Variants in ST7 observed in about 807,000 individuals in gnomAD.
The protein encoded by ST7 is suppressor of tumorigenicity 7 protein.
A neutral mutation model predicts 78.7 loss-of-function variants in ST7; 28 were observed. The ratio of observed to expected loss-of-function variants is 0.36; its 90% CI spans 0.26 to 0.49. ST7 has a LOEUF of 0.49. Ranked by LOEUF, ST7 falls within the 20% of genes least tolerant of loss-of-function variation. The pLI, the probability that ST7 is intolerant of heterozygous loss-of-function variation, is 0.99. For synonymous variants in ST7, 247 were observed against 249.6 expected (o/e 0.99, Z 0.10); for missense variants, 418 against 696.0 (o/e 0.60, Z 4.49).
intron 9 of ST7, among the ~76,000 whole-genome samples, chr7:117,139,533 C>T (rs1237045947): frequency 2.0e-5 from 3 of 152,134 alleles, no homozygotes; most frequent in African/African-American, 4.8e-5. Context: ...GGAGCACCAA[C>T]ACTCAACGCT....
intron 2 of ST7, among the ~76,000 whole-genome samples, chr7:117,104,433 C>G (rs1801801317): frequency 6.6e-6 from 1 of 152,146 alleles, no homozygotes; most frequent in Admixed American, 6.5e-5. Context: ...GAGCGAGACT[C>G]CGTCTCAAAA....
At chr7:116,985,081 C>A (rs1794135524) in intron 1 of ST7, among the ~76,000 whole-genome samples, 1 of 152,110 alleles carries the variant, frequency 6.6e-6, no homozygotes, top group African/African-American at 2.4e-5. Flanking sequence ...GGGTAAAACA[C>A]ATCTTGTTGA....
chr7:117,173,782 T>G (rs1340495908), intron 10 of ST7, among the ~76,000 whole-genome samples: 3 of 152,166 alleles, frequency 2.0e-5, no homozygotes, highest in South Asian at 2.1e-4. Context: ...GGATTGTTTT[T>G]GGGTACAGCA....
intron 9 of ST7, among the ~76,000 whole-genome samples, chr7:117,151,095 C>T (rs1457923350): frequency 6.6e-6 from 1 of 152,246 alleles, no homozygotes; most frequent in African/African-American, 2.4e-5. Context: ...GCTATGCAGT[C>T]GGTCTCCAGA....
In ST7 at chr7:117,219,298, C is replaced by G. The variant is rs1377564247; in HGVS notation, c.1498+122C>G. On this transcript the variant is annotated intron_variant, in intron 14 of 15. Transcript: ENST00000323984. The surrounding 1 kb of genome is among the most constrained non-coding windows in gnomAD (Gnocchi z 5.1). The stretch of plus-strand genomic sequence containing the variant: ...TATTACTTTTCTCCAAACCCCTGTC[C>G]TTGTTTGATAGCATATGTATTAAAG... 10 of 796,352 alleles carry G rather than the reference C, an allele frequency of 1.3e-5. No individual in the cohort carries two copies. Among genetic ancestry groups the G allele is most frequent in the Non-Finnish European group, 1.8e-5 (9 of 490,980 alleles). The allele number at this position is 796,352 out of a possible 1,614,324, so 49.3% of individuals were successfully genotyped here. A position where few individuals can be genotyped will look rare whatever the true frequency, so the allele number is the denominator to read the frequency against.
At chr7:117,177,703 T>G (rs945601038) in intron 10 of ST7, among the ~76,000 whole-genome samples, 2 of 152,220 alleles carry the variant, frequency 1.3e-5, no homozygotes, top group South Asian at 4.1e-4. Context: ...GTGGCACATC[T>G]TTTTGAGATT....
rs1013013600 is a variant in ST7 at position 117,219,880 on chromosome 7, T to C, written c.1498+704T>C. On this transcript the variant is annotated intron_variant, in intron 14 of 15. Transcript: ENST00000323984. This position sits in a 1 kb window ranked among gnomAD's most constrained non-coding sequence, Gnocchi z 5.1. ...TATTTTGCTTTGCTGTAATACAACA[T>C]TGTTTTGACAATTCAGGCTAAATGG... Among the ~76,000 whole-genome samples the C allele has an allele frequency of 1.3e-5, 2 of 152,242 alleles. No homozygotes were observed. Among genetic ancestry groups the C allele is most frequent in the East Asian group, 1.9e-4 (1 of 5,196 alleles).
intron 1 of ST7, among the ~76,000 whole-genome samples, chr7:117,093,953 C>T (rs1800835264): frequency 6.6e-6 from 1 of 152,180 alleles, no homozygotes; most frequent in African/African-American, 2.4e-5. Flanking sequence ...CCAAAGCCCC[C>T]TATTCTTTAT....
intron 1 of ST7, among the ~76,000 whole-genome samples, chr7:117,091,909 C>A (rs934444723): frequency 3.3e-5 from 5 of 152,092 alleles, no homozygotes; most frequent in Admixed American, 6.6e-5. Flanking sequence ...GAATCTGCTT[C>A]CAGTCTCACT....
intron 1 of ST7, among the ~76,000 whole-genome samples, chr7:117,067,202 T>C (rs1798685412): frequency 6.6e-6 from 1 of 152,062 alleles, no homozygotes; most frequent in Admixed American, 6.6e-5. Context: ...TCTCTGAACA[T>C]TTTTATACAA....
intron 12 of ST7, among the ~76,000 whole-genome samples, chr7:117,193,150 TACACACACAC>T (rs137866535): frequency 1.4e-5 from 2 of 144,850 alleles, no homozygotes; most frequent in African/African-American, 5.1e-5. Flanking sequence ...CTTTAGCAGA[TACACACACAC>T]ACACACACAC....
intron 10 of ST7, among the ~76,000 whole-genome samples, chr7:117,173,113 G>A (rs191792512): frequency 1.3e-5 from 2 of 152,262 alleles, no homozygotes; most frequent in African/African-American, 2.4e-5. Flanking sequence ...AAATTCTTTT[G>A]TTGCAAATGG....
intron 7 of ST7, among the ~76,000 whole-genome samples, chr7:117,134,662 A>G (rs1804636304): frequency 6.6e-6 from 1 of 151,966 alleles, no homozygotes; most frequent in South Asian, 2.1e-4. Context: ...CCCTTGCCTC[A>G]TATTTATATG....
intron 12 of ST7, chr7:117,191,699 C>T (rs1809802361): frequency 6.6e-6 from 1 of 152,124 alleles, no homozygotes; most frequent in South Asian, 2.1e-4. Context: ...AGCTGAGAGC[C>T]ACTTTCAGTC....
rs751335306 is a variant in ST7, at chr7:117,191,020, C to A, written c.1254+84C>A. On this transcript the variant is annotated intron_variant, in intron 12 of 15. Coordinates refer to ENST00000323984, the MANE Select transcript of ST7 (RefSeq NM_001369598.1). ...CCACAGTGTTGTATCTCAAGTACAC[C>A]GCTTATAAAAAAATGAATTGCAACC... 5.3e-4 allele frequency: 574 copies of A among 1,088,408 alleles called. 5 individuals are homozygous for A. Among genetic ancestry groups the A allele is most frequent in the Non-Finnish European group, 9.3e-5 (67 of 722,038 alleles). 67.4% of individuals were successfully genotyped at this position (1,088,408 alleles called of 1,614,324 possible). A position where few individuals can be genotyped will look rare whatever the true frequency, so the allele number is the denominator to read the frequency against.
At chr7:117,223,551 C>T (rs753235902) in intron 15 of ST7, 33 of 156,728 alleles carry the variant, frequency 2.1e-4, no homozygotes, top group South Asian at 7.8e-4. Context: ...ATGTACCAGG[C>T]TCTCGCACAC....
At chr7:116,975,064 C>T (rs1006009945) in intron 1 of ST7, among the ~76,000 whole-genome samples, 1 of 152,116 alleles carries the variant, frequency 6.6e-6, no homozygotes, top group African/African-American at 2.4e-5. Flanking sequence ...GAAGAAATAC[C>T]CGAGACTGGG....
chr7:117,146,258 G>A (rs1050392701), intron 9 of ST7: 1 of 152,212 alleles, frequency 6.6e-6, no homozygotes, highest in African/African-American at 2.4e-5. Context: ...TGTGACTGAA[G>A]ACTGAAGGAG....
intron 9 of ST7, among the ~76,000 whole-genome samples, chr7:117,162,309 C>T (rs1274192826): frequency 6.6e-6 from 1 of 152,024 alleles, no homozygotes; most frequent in African/African-American, 2.4e-5. Context: ...TTAATGTTTA[C>T]TGAATGAATA....
Sources: gnomAD v4.1 joint callset for allele counts (sites outside exome capture counted in the v4.1 genomes callset) on GRCh38, gnomAD v4.1.1 for gene constraint, Gnocchi (gnomAD v3.1) non-coding constraint, MANE v1.5 for transcripts, NCBI Gene and HGNC (gene_info 2026-07-23, HGNC 2026-07-21) for gene names.